The following ZFHX3 variants were observed in gnomAD, a reference collection of about 807,000 sequenced individuals.
ZFHX3 encodes zinc finger homeobox protein 3.
A neutral mutation model predicts 279.1 loss-of-function variants in ZFHX3; 42 were observed. The observed-to-expected ratio is 0.15, with a 90% CI of 0.12 to 0.19. The LOEUF is 0.19. ZFHX3 is among the 10% of genes least tolerant of loss of function. ZFHX3 has a pLI of 1.00. For missense variants in ZFHX3, 4,981 were observed against 4,754.0 expected, an observed-to-expected ratio of 1.05 and a Z score of -1.40; for synonymous variants, 2,293 against 1,957.8, an observed-to-expected ratio of 1.17 and a Z score of -4.52.
intron 2 of ZFHX3, among the ~76,000 whole-genome samples, chr16:73,544,207 G>A (rs2020070064): frequency 6.6e-6 from 1 of 152,162 alleles, no homozygotes; most frequent in Admixed American, 6.5e-5. Flanking sequence ...AAAAAAAGGT[G>A]GGGTGGAGGG....
chr16:73,791,101 A>G (rs1186858762), intron 1 of ZFHX3, among the ~76,000 whole-genome samples: 1 of 152,094 alleles, frequency 6.6e-6, no homozygotes, highest in Admixed American at 6.5e-5. Flanking sequence ...AGTAGCTGGG[A>G]CTACAGGTTT....
At chr16:73,658,721 T>A (rs1459365273) in intron 2 of ZFHX3, among the ~76,000 whole-genome samples, 3 of 152,220 alleles carry the variant, frequency 2.0e-5, no homozygotes, top group Admixed American at 6.5e-5. Flanking sequence ...AAATGATTTT[T>A]AAAAGCAGGC....
At chr16:73,742,995 T>G (rs1007114912) in intron 1 of ZFHX3, among the ~76,000 whole-genome samples, 82 of 152,120 alleles carry the variant, frequency 5.4e-4, no homozygotes, top group Non-Finnish European at 1.5e-4. Context: ...GAAATGAGAG[T>G]CCTTTATAAT....
chr16:73,876,735 G>C (rs2029960116), intron 1 of ZFHX3, among the ~76,000 whole-genome samples: 1 of 152,088 alleles, frequency 6.6e-6, no homozygotes, highest in Non-Finnish European at 1.5e-5. Context: ...GAAAGAACTA[G>C]AAAAGACTGC....
At chr16:73,122,434 G>A (rs571887985) in intron 7 of ZFHX3, among the ~76,000 whole-genome samples, 31 of 151,818 alleles carry the variant, frequency 2.0e-4, no homozygotes, top group Admixed American at 7.2e-4. Flanking sequence ...CTCGAAACCC[G>A]GACCTCAAGT....
intron 2 of ZFHX3, among the ~76,000 whole-genome samples, chr16:73,476,977 A>T (rs2018776054): frequency 6.6e-6 from 1 of 152,196 alleles, no homozygotes; most frequent in African/African-American, 2.4e-5. Context: ...TAGCCTTTAA[A>T]CTGTTTGCAA....
chr16:73,814,872 T>C (rs1960524486), intron 1 of ZFHX3, among the ~76,000 whole-genome samples: 1 of 152,116 alleles, frequency 6.6e-6, no homozygotes, highest in African/African-American at 2.4e-5. Context: ...CCCAGCCCAC[T>C]TCACAACTTC....
chr16:72,882,538 G>C (rs376226497), intron 4 of ZFHX3, among the ~76,000 whole-genome samples: 4 of 152,122 alleles, frequency 2.6e-5, no homozygotes, highest in Admixed American at 6.6e-5. Context: ...GCAAGTCCTG[G>C]AACAGCCAGC....
At chr16:73,646,745 AC>A (rs1217265165) in intron 2 of ZFHX3, among the ~76,000 whole-genome samples, 2 of 152,220 alleles carry the variant, frequency 1.3e-5, no homozygotes, top group Admixed American at 6.5e-5. Flanking sequence ...GAAAATAAAT[AC>A]ATTTTTAAGT....
chr16:73,721,293 T>C (rs1293112038), intron 1 of ZFHX3, among the ~76,000 whole-genome samples: 2 of 152,178 alleles, frequency 1.3e-5, no homozygotes, highest in Non-Finnish European at 2.9e-5. Flanking sequence ...AGCTAATTTT[T>C]GTATTTTTAG....
intron 1 of ZFHX3, among the ~76,000 whole-genome samples, chr16:73,801,831 C>T (rs1294113913): frequency 6.6e-6 from 1 of 152,210 alleles, no homozygotes; most frequent in Non-Finnish European, 1.5e-5. Flanking sequence ...TGTGCAACAA[C>T]ATGCTCTGCA....
chr16:73,696,211 A>G (rs1291746961), intron 1 of ZFHX3, among the ~76,000 whole-genome samples: 1 of 152,230 alleles, frequency 6.6e-6, no homozygotes, highest in Non-Finnish European at 1.5e-5. Context: ...AAGGACCTGC[A>G]GCCAGAAACA....
At chr16:73,620,224 G>GTTT (rs2052344774) in intron 2 of ZFHX3, among the ~76,000 whole-genome samples, 1 of 152,238 alleles carries the variant, frequency 6.6e-6, no homozygotes, top group Non-Finnish European at 1.5e-5. Flanking sequence ...AGAAGGTTCT[G>GTTT]TTTTGGTAAC....
chr16:72,963,805 G>T (rs141829783), intron 1 of ZFHX3, among the ~76,000 whole-genome samples: 2 of 152,158 alleles, frequency 1.3e-5, no homozygotes, highest in African/African-American at 2.4e-5. Flanking sequence ...CAGTTATGAC[G>T]AAGGGGAGGG....
At chr16:73,649,958 A>G (rs2052655449) in intron 2 of ZFHX3, among the ~76,000 whole-genome samples, 1 of 152,216 alleles carries the variant, frequency 6.6e-6, no homozygotes, top group Admixed American at 6.5e-5. Flanking sequence ...CGGCTCTAGC[A>G]CTTGAAGAAA....
intron 2 of ZFHX3, among the ~76,000 whole-genome samples, chr16:73,550,158 T>C (rs964268182): frequency 6.6e-6 from 1 of 152,028 alleles, no homozygotes; most frequent in African/African-American, 2.4e-5. Flanking sequence ...CAGGAGTACT[T>C]CGGGGCTGGG....
chr16:73,411,746 C>T (rs2017470902), intron 3 of ZFHX3, among the ~76,000 whole-genome samples: 1 of 152,176 alleles, frequency 6.6e-6, no homozygotes, highest in African/African-American at 2.4e-5. Context: ...GTGACTGAAG[C>T]TTAGTGCAAG....
At chr16:73,026,480 T>TGACCAACATG (rs555635447) in intron 1 of ZFHX3, among the ~76,000 whole-genome samples, 11 of 151,926 alleles carry the variant, frequency 7.2e-5, no homozygotes, top group Non-Finnish European at 1.5e-4. Flanking sequence ...GAGACCAGCC[T>TGACCAACATG]GACCAACATG....
chr16:73,339,161 T>G (rs1243091648), intron 3 of ZFHX3, among the ~76,000 whole-genome samples: 1 of 152,214 alleles, frequency 6.6e-6, no homozygotes, highest in Non-Finnish European at 1.5e-5. Context: ...CCATCCAACT[T>G]GGGCTTCAGA....
Sources: gnomAD v4.1 joint callset for allele counts (sites outside exome capture counted in the v4.1 genomes callset) on GRCh38, gnomAD v4.1.1 for gene constraint, MANE v1.5 for transcripts, NCBI Gene and HGNC (gene_info 2026-07-23, HGNC 2026-07-21) for gene names.